The following POLQ variants were observed in gnomAD, a reference collection of about 807,000 sequenced individuals.
POLQ encodes epididymis secretory sperm binding protein.
Under a neutral mutation model 259.2 loss-of-function variants are expected in POLQ, and 233 were observed. The observed-to-expected ratio is 0.90, with a 90% confidence interval of 0.81 to 1.00. The LOEUF (loss-of-function observed/expected upper bound fraction) is 1.00. Among genes scored for constraint, POLQ ranks in the 50% least tolerant of loss-of-function variants. The pLI, the probability that POLQ is intolerant of heterozygous loss-of-function variation, is 0.00. For missense variants in POLQ, 2,871 were observed against 3,051.6 expected (o/e 0.94, Z 1.39); for synonymous variants, 1,025 against 1,048.8 (o/e 0.98, Z 0.44).
intron 26 of POLQ, among the ~76,000 whole-genome samples, chr3:121,440,543 C>T (rs1315611751): frequency 6.6e-6 from 1 of 152,068 alleles, no homozygotes; most frequent in African/African-American, 2.4e-5. Flanking sequence ...GTAATGTGGC[C>T]CAGGCTGGTC....
Position 121,432,060 on chromosome 3 carries a change from T to A in POLQ, c.*244A>T, listed in dbSNP as rs775086410. On this transcript the variant is annotated 3_prime_UTR_variant, in exon 30 of 30. Coordinates refer to ENST00000264233, the MANE Select transcript of POLQ (RefSeq NM_199420.4). The stretch of plus-strand genomic sequence containing the variant: ...CAGTAAGTTACAAAAGGCAAATTCA[T>A]AGATGCTCTTTGAAAGTGAATGTAA... 1.6e-5 allele frequency: 6 copies of A among 385,970 alleles called. No homozygotes were observed. Among genetic ancestry groups the A allele is most frequent in the African/African-American group, 6.3e-5 (3 of 47,912 alleles). 23.9% of individuals were successfully genotyped at this position (385,970 alleles called of 1,614,324 possible).
At chr3:121,465,033 T>A (rs555301270) in intron 24 of POLQ, among the ~76,000 whole-genome samples, 4 of 152,124 alleles carry the variant, frequency 2.6e-5, no homozygotes, top group East Asian at 1.9e-4. Flanking sequence ...TGCAATTTTT[T>A]AAAAAATGAG....
At chr3:121,453,625 G>A (rs908064518) in intron 25 of POLQ, among the ~76,000 whole-genome samples, 3 of 152,194 alleles carry the variant, frequency 2.0e-5, no homozygotes, top group Non-Finnish European at 4.4e-5. Context: ...CGATCAACTG[G>A]AAGAAAGGGT....
Position 121,483,499 on chromosome 3 carries a change from G to GC in POLQ, c.5856dup (p.Arg1953AlafsTer5), listed in dbSNP as rs776144677. The GC allele has an allele frequency of 4.4e-6, 7 of 1,607,800 alleles. No homozygotes were observed. In the Admixed American group the frequency reaches 8.5e-5, roughly 19 times the overall value. ...GAACATTCTTTATCAGATTCCTTTC[G>GC]CAAGCAAGATTGAAGGTACCACATC... is the stretch of plus-strand genomic sequence containing the variant. On this transcript the variant is annotated frameshift_variant, in exon 18 of 30. Transcript: ENST00000264233. LOFTEE classifies it high-confidence loss of function.
At chr3:121,454,784 G>C (rs2047716920) in intron 25 of POLQ, among the ~76,000 whole-genome samples, 1 of 152,086 alleles carries the variant, frequency 6.6e-6, no homozygotes, top group Non-Finnish European at 1.5e-5. Flanking sequence ...ATAATAATGG[G>C]AGACTTTAAC....
Position 121,511,982 on chromosome 3 carries a change from C to T in POLQ, c.1516G>A (p.Ala506Thr), listed in dbSNP as rs766612912. ...CKNSEKSKGIALLQGSLKPVR... is the reference protein window; with the variant it reads ...CKNSEKSKGITLLQGSLKPVR... The stretch of plus-strand genomic sequence containing the variant: ...GGCTTTAGAGAACCCTGAAGGAGAG[C>T]TATGCCTTTTGATTTCTCAGAGTTC... Residue 506 changes from alanine (A) to threonine (T), a missense_variant, in exon 10 of 30, where the codon GCT becomes ACT. Coordinates refer to ENST00000264233, the MANE Select transcript of POLQ (RefSeq NM_199420.4). The T allele has an allele frequency of 1.2e-6, 2 of 1,613,352 alleles. No homozygotes were observed. Among genetic ancestry groups the T allele is most frequent in the African/African-American group, 1.3e-5 (1 of 74,926 alleles).
rs202208299 is a variant in POLQ, at chr3:121,487,582, G to T, written c.5349C>A (p.His1783Gln). The T allele has an allele frequency of 6.2e-6, 10 of 1,614,014 alleles. No homozygotes were observed. The African/African-American group carries it at 6.7e-5, about 11-fold the overall frequency. The change falls in exon 16 of 30, where the codon CAC becomes CAA. Residue 1783 changes from histidine (H) to glutamine (Q), a missense_variant. Coordinates refer to ENST00000264233, the MANE Select transcript of POLQ (RefSeq NM_199420.4). The stretch of plus-strand genomic sequence containing the variant: ...CATTTCTACTCCCTGGACTTAAATC[G>T]TGGTTTTTAATATCTGAAGGTGAGC... ...LFGSPSDIKN[H>Q]DLSPGSRNGF...
At chr3:121,433,361 G>T (rs904882216) in intron 28 of POLQ, among the ~76,000 whole-genome samples, 2 of 152,150 alleles carry the variant, frequency 1.3e-5, no homozygotes, top group African/African-American at 2.4e-5. Context: ...CACCATCTGA[G>T]TAATAGCACC....
chr3:121,530,157 AT>A (rs571865987), intron 6 of POLQ, among the ~76,000 whole-genome samples: 3 of 151,670 alleles, frequency 2.0e-5, no homozygotes, highest in South Asian at 2.1e-4. Flanking sequence ...GGACTTTATG[AT>A]TTTTTTTTAT....
intron 26 of POLQ, among the ~76,000 whole-genome samples, chr3:121,446,007 T>C (rs1279649386): frequency 6.6e-6 from 1 of 152,232 alleles, no homozygotes; most frequent in East Asian, 1.9e-4. Context: ...CTTACTTTTC[T>C]AGTTTTTTAA....
chr3:121,494,516 C>T (rs1200971766), intron 14 of POLQ: 2 of 1,556,684 alleles, frequency 1.3e-6, no homozygotes, highest in East Asian at 2.3e-5. Context: ...ACCTGTCCTT[C>T]GAACAGGAGT....
chr3:121,523,162 C>A (rs928273485), intron 7 of POLQ, among the ~76,000 whole-genome samples: 1 of 151,822 alleles, frequency 6.6e-6, no homozygotes. Flanking sequence ...ACCAGACACA[C>A]GAGCCACTAT....
At chr3:121,436,929 G>C (rs1030235196) in intron 27 of POLQ, among the ~76,000 whole-genome samples, 1 of 152,004 alleles carries the variant, frequency 6.6e-6, no homozygotes, top group Non-Finnish European at 1.5e-5. Flanking sequence ...TGGAAGAGTA[G>C]AGAAGGGAGT....
intron 15 of POLQ, among the ~76,000 whole-genome samples, chr3:121,492,718 C>G (rs2048078562): frequency 6.6e-6 from 1 of 151,700 alleles, no homozygotes; most frequent in Non-Finnish European, 1.5e-5. Flanking sequence ...TCACTGCAGC[C>G]TCGACCTCCC....
chr3:121,436,199 T>G lies in POLQ; in HGVS notation c.7466A>C (p.Gln2489Pro), dbSNP rs2047542885. 6.2e-7 allele frequency: 1 copy of G among 1,613,700 alleles called. No homozygotes were observed. The highest frequency in any genetic ancestry group is 1.3e-5 in the African/African-American group (1 of 74,924). Reference sequence around the variant, plus strand: ...TGAGTGGAAGGTCTCTAATTGCTTCTGAATGTTAACTGTGGCTATTTTGAC... The same window carrying G: ...TGAGTGGAAGGTCTCTAATTGCTTCGGAATGTTAACTGTGGCTATTTTGAC... ...DIVKIATVNIQKQLETFHSTF... is the reference protein window; with the variant it reads ...DIVKIATVNIPKQLETFHSTF... The change falls in exon 28 of 30, where the codon CAG (glutamine) becomes CCG (proline). Residue 2489 changes from glutamine (Q) to proline (P), a missense_variant. Gln to Pro is a moderately conservative substitution (Grantham distance 76). Coordinates refer to ENST00000264233, the MANE Select transcript of POLQ (RefSeq NM_199420.4).
Position 121,519,993 on chromosome 3 carries a change from C to A in POLQ, c.1346G>T (p.Gly449Val). Residue 449 changes from glycine (G) to valine (V), a missense_variant, in exon 9 of 30, where the codon GGG (glycine) becomes GTG (valine). Coordinates refer to ENST00000264233, the MANE Select transcript of POLQ (RefSeq NM_199420.4). ...VLAATSTLSS[G>V]VNLPARRVII... The stretch of plus-strand genomic sequence containing the variant: ...CACACGACGTGCAGGTAAATTCACC[C>A]CAGAAGAAAGAGTAGAAGTTGCCGC... 1 of 1,612,958 alleles carries A rather than the reference C, an allele frequency of 6.2e-7. No individual in the cohort carries two copies. Among genetic ancestry groups the A allele is most frequent in the Non-Finnish European group, 8.5e-7 (1 of 1,179,130 alleles).
Position 121,488,608 on chromosome 3 carries a change from T to C in POLQ, c.4323A>G (p.Gln1441=), listed in dbSNP as rs2048034705. 1 of 1,606,838 alleles carries C rather than the reference T, an allele frequency of 6.2e-7. No homozygotes were observed. The change falls in exon 16 of 30, where the codon CAA becomes CAG. Residue 1441 remains glutamine, a synonymous_variant. Transcript: ENST00000264233. The part of the protein sequence containing the change: ...KKNEVSVTDS[Q]LNSFLQGYQT... ...GATAACCTTGAAGAAAACTATTTAA[T>C]TGTGAATCAGTAACAGAAACTTCAT... is the stretch of plus-strand genomic sequence containing the variant.
At chr3:121,461,161 A>G (rs944318853) in intron 24 of POLQ, among the ~76,000 whole-genome samples, 1 of 152,112 alleles carries the variant, frequency 6.6e-6, no homozygotes, top group Admixed American at 6.5e-5. Flanking sequence ...GGAGAAAAAC[A>G]CTCGTACATT....
chr3:121,486,893 CAGAGAGAGAGAG>C (rs3045624), intron 16 of POLQ, among the ~76,000 whole-genome samples: 2 of 140,390 alleles, frequency 1.4e-5, no homozygotes, highest in Admixed American at 7.3e-5. Context: ...GAAAGAGAGA[CAGAGAGAGAGAG>C]AGAGAGAGAG....
Sources: allele counts gnomAD v4.1 joint callset (sites outside exome capture counted in the v4.1 genomes callset), GRCh38; gene constraint gnomAD v4.1.1; transcripts MANE v1.5; gene names NCBI Gene and HGNC (gene_info 2026-07-23, HGNC 2026-07-21).